Variants in PCDH9 observed in about 807,000 individuals in gnomAD.
The protein encoded by PCDH9 is protocadherin 9, also known as protocadherin-9.
PCDH9 carries 24 observed loss-of-function variants against 70.6 expected under a neutral mutation model. That is an observed-to-expected ratio of 0.34 (90% CI 0.25 to 0.48). The LOEUF (loss-of-function observed/expected upper bound fraction) is 0.48, where lower values mean the gene tolerates loss of function less well. PCDH9 is among the 20% of genes least tolerant of loss of function. The pLI, the probability that PCDH9 is intolerant of heterozygous loss-of-function variation, is 0.99. For missense variants in PCDH9, 1,281 were observed against 1,503.6 expected, an observed-to-expected ratio of 0.85 and a Z score of 2.45; for synonymous variants, 562 against 558.5, an observed-to-expected ratio of 1.01 and a Z score of -0.09.
At chr13:66,763,939 C>A (rs746028262) in intron 3 of PCDH9, among the ~76,000 whole-genome samples, 2 of 151,842 alleles carry the variant, frequency 1.3e-5, no homozygotes, top group South Asian at 2.1e-4. Flanking sequence ...GCTGGGATTA[C>A]AGGTGCCCAC....
intron 4 of PCDH9, among the ~76,000 whole-genome samples, chr13:66,436,111 T>G (rs60667625): frequency 0.025 from 3,753 of 152,252 alleles, 137 homozygotes; most frequent in African/African-American, 0.085. Flanking sequence ...TTAATTTAAA[T>G]TAAATATGGG....
rs1374163686 is a variant in PCDH9, at chr13:67,009,585, C to T, written c.3037-105980G>A. 3.9e-5 allele frequency among the ~76,000 whole-genome samples: 6 copies of T among 151,988 alleles called. No individual in the cohort carries two copies. In the East Asian group the frequency reaches 1.2e-3, roughly 29 times the overall value. ...GTTAAATTCTTTTTCATTTCTGTGC[C>T]TTCTCTGGTCTGTACTCCTTATTTA... is the stretch of plus-strand genomic sequence containing the variant. On this transcript the variant is annotated intron_variant, in intron 2 of 4. Coordinates refer to ENST00000377865, the MANE Select transcript of PCDH9 (RefSeq NM_203487.3).
chr13:66,949,841 G>T (rs1168028055), intron 2 of PCDH9, among the ~76,000 whole-genome samples: 2 of 152,066 alleles, frequency 1.3e-5, no homozygotes, highest in African/African-American at 4.8e-5. Context: ...CCTGATTCCA[G>T]TTCCGAGTAA....
intron 3 of PCDH9, among the ~76,000 whole-genome samples, chr13:66,665,428 C>T (rs2078082885): frequency 6.6e-6 from 1 of 152,042 alleles, no homozygotes; most frequent in African/African-American, 2.4e-5. Flanking sequence ...AATGACATTC[C>T]ACATTTAAAC....
At chr13:66,811,634 GCC>G (rs1243729954) in intron 3 of PCDH9, among the ~76,000 whole-genome samples, 5 of 132,214 alleles carry the variant, frequency 3.8e-5, no homozygotes, top group African/African-American at 1.5e-4. Flanking sequence ...CTTCCTGCCT[GCC>G]TAACCTGCCT....
At chr13:66,944,815 C>CTGTGTGTGTG (rs1412776510) in intron 2 of PCDH9, among the ~76,000 whole-genome samples, 1 of 60,072 alleles carries the variant, frequency 1.7e-5, no homozygotes, top group East Asian at 6.7e-4. Context: ...TTCTAATCGT[C>CTGTGTGTGTG]TCTGTGTGTG....
At chr13:66,729,701 C>G (rs1233101945) in intron 3 of PCDH9, among the ~76,000 whole-genome samples, 2 of 152,138 alleles carry the variant, frequency 1.3e-5, no homozygotes, top group Non-Finnish European at 2.9e-5. Flanking sequence ...TGAGAAAACT[C>G]TTTTGACCAT....
chr13:66,511,116 T>G (rs778983607), intron 4 of PCDH9, among the ~76,000 whole-genome samples: 2 of 152,160 alleles, frequency 1.3e-5, no homozygotes, highest in Non-Finnish European at 2.9e-5. Flanking sequence ...AACATTCATA[T>G]CCAAAATGAT....
chr13:66,693,096 C>T (rs1473150301), intron 3 of PCDH9, among the ~76,000 whole-genome samples: 2 of 152,024 alleles, frequency 1.3e-5, no homozygotes, highest in Non-Finnish European at 2.9e-5. Context: ...ATCAAGATAG[C>T]AAGAGGCAAA....
chr13:66,592,010 T>C (rs1298899563), intron 4 of PCDH9, among the ~76,000 whole-genome samples: 3 of 151,716 alleles, frequency 2.0e-5, no homozygotes, highest in South Asian at 2.1e-4. Context: ...AGGTCAACTA[T>C]TTAATGAATT....
Position 66,860,771 on chromosome 13 carries a change from C to G in PCDH9, c.3138+42733G>C, listed in dbSNP as rs775663629. 7.2e-5 allele frequency among the ~76,000 whole-genome samples: 11 copies of G among 152,092 alleles called. 1 individual carries two copies. Among genetic ancestry groups the G allele is most frequent in the Non-Finnish European group, 1.2e-4 (8 of 68,020 alleles). On this transcript the variant is annotated intron_variant, in intron 3 of 4. Coordinates refer to ENST00000377865, the MANE Select transcript of PCDH9 (RefSeq NM_203487.3). ...TGCAATGGCAGATTCTTCAAAAGAG[C>G]GAAACAGAGGTCTAACTCTTTAGAA...
intron 4 of PCDH9, among the ~76,000 whole-genome samples, chr13:66,523,987 C>T (rs184077703): frequency 6.6e-6 from 1 of 152,074 alleles, no homozygotes; most frequent in South Asian, 2.1e-4. Flanking sequence ...AGGTCAGCAT[C>T]GCTCATTATG....
At chr13:66,840,794 A>G (rs1411025567) in intron 3 of PCDH9, among the ~76,000 whole-genome samples, 1 of 152,254 alleles carries the variant, frequency 6.6e-6, no homozygotes, top group East Asian at 1.9e-4. Context: ...ATAGGCTGGA[A>G]CAAGTAAGAT....
intron 2 of PCDH9, among the ~76,000 whole-genome samples, chr13:66,920,758 T>G (rs558270782): frequency 6.6e-6 from 1 of 151,346 alleles, no homozygotes; most frequent in South Asian, 2.1e-4. Context: ...TTATATCGTG[T>G]GAATTCCTGT....
intron 3 of PCDH9, among the ~76,000 whole-genome samples, chr13:66,757,190 T>C (rs934061945): frequency 5.3e-5 from 8 of 152,176 alleles, no homozygotes; most frequent in Admixed American, 6.5e-5. Context: ...CGGTGCTCTG[T>C]CCCTCTGTCT....
intron 4 of PCDH9, among the ~76,000 whole-genome samples, chr13:66,383,219 C>G (rs765469168): frequency 6.6e-6 from 1 of 152,102 alleles, no homozygotes; most frequent in Non-Finnish European, 1.5e-5. Context: ...GCAATGAGCA[C>G]AAAAAATGGC....
intron 3 of PCDH9, among the ~76,000 whole-genome samples, chr13:66,655,120 T>C (rs1461716313): frequency 6.6e-6 from 1 of 152,048 alleles, no homozygotes; most frequent in Non-Finnish European, 1.5e-5. Context: ...GTTGCATTTA[T>C]GCTCAGAATG....
At chr13:66,580,698 G>A (rs1226437484) in intron 4 of PCDH9, among the ~76,000 whole-genome samples, 1 of 151,742 alleles carries the variant, frequency 6.6e-6, no homozygotes, top group East Asian at 2.0e-4. Context: ...ACAATATTAG[G>A]CACTTCATTC....
Position 66,906,509 on chromosome 13 carries a change from A to G in PCDH9, c.3037-2904T>C, listed in dbSNP as rs1234386652. Among the ~76,000 whole-genome samples, 6 of 152,170 alleles carry G rather than the reference A, an allele frequency of 3.9e-5. No individual in the cohort carries two copies. The East Asian group carries it at 1.2e-3, about 29-fold the overall frequency. On this transcript the variant is annotated intron_variant, in intron 2 of 4. Transcript: ENST00000377865. ...TCCAACTTTTCCAAGAAAATATGCAACATAACAAAATGAGCGCATTTGGAA... is the reference window on the plus strand; with the variant it reads ...TCCAACTTTTCCAAGAAAATATGCAGCATAACAAAATGAGCGCATTTGGAA...
Sources: allele counts gnomAD v4.1 joint callset (sites outside exome capture counted in the v4.1 genomes callset), GRCh38; gene constraint gnomAD v4.1.1; transcripts MANE v1.5; gene names NCBI Gene and HGNC (gene_info 2026-07-23, HGNC 2026-07-21).